PTPRA: variants seen among roughly 807,000 people sequenced by gnomAD.
PTPRA encodes protein tyrosine phosphatase receptor type A, also known as receptor-type tyrosine-protein phosphatase alpha.
PTPRA carries 25 observed loss-of-function variants against 104.8 expected under a neutral mutation model. The ratio of observed to expected loss-of-function variants is 0.24; its 90% CI spans 0.17 to 0.33. The LOEUF is 0.33. Ranked by LOEUF, PTPRA falls within the 10% of genes least tolerant of loss-of-function variation. PTPRA has a pLI of 1.00. For synonymous variants in PTPRA, 323 were observed against 368.9 expected (o/e 0.88, Z 1.43); for missense variants, 765 against 1,015.3 (o/e 0.75, Z 3.35).
intron 3 of PTPRA, among the ~76,000 whole-genome samples, chr20:2,955,927 C>A (rs544229199): frequency 1.9e-4 from 29 of 152,250 alleles, no homozygotes; most frequent in African/African-American, 6.7e-4. Flanking sequence ...ACTCTAATAC[C>A]ACACATTCTC....
chr20:2,864,368 T>G, the PTPRA span: 1 of 1,614,170 alleles, frequency 6.2e-7, no homozygotes, highest in South Asian at 1.1e-5. This position sits in a 1 kb window ranked among gnomAD's most constrained non-coding sequence, Gnocchi z 5.2. Context: ...CCTGCAGTGT[T>G]CACGGTGTTG....
At chr20:2,945,479 C>T (rs1410126421) in intron 2 of PTPRA, among the ~76,000 whole-genome samples, 4 of 151,970 alleles carry the variant, frequency 2.6e-5, no homozygotes, top group South Asian at 2.1e-4. Flanking sequence ...ACCTAATATA[C>T]CTATTATGTG....
intron 14 of PTPRA, 64 bp downstream of exon 14, chr20:3,021,492 G>C (rs1328374672): frequency 6.3e-7 from 1 of 1,597,520 alleles, no homozygotes; most frequent in African/African-American, 1.3e-5. Flanking sequence ...AGAGGGAACA[G>C]GCTGGATCAT....
intron 11 of PTPRA, among the ~76,000 whole-genome samples, chr20:3,012,389 G>A (rs957682045): frequency 2.6e-5 from 4 of 152,218 alleles, no homozygotes; most frequent in African/African-American, 9.6e-5. Context: ...GCAGGAATTG[G>A]TGGTTGATTT....
At chr20:2,937,100 C>CT (rs2060731899) in intron 2 of PTPRA, among the ~76,000 whole-genome samples, 1 of 146,464 alleles carries the variant, frequency 6.8e-6, no homozygotes, top group Non-Finnish European at 1.5e-5. Context: ...TAGAAGGAAT[C>CT]TTTTAGTTCC....
At chr20:2,933,280 T>G (rs548940359) in intron 2 of PTPRA, among the ~76,000 whole-genome samples, 23 of 152,310 alleles carry the variant, frequency 1.5e-4, no homozygotes, top group Middle Eastern at 6.8e-3. Context: ...TTATTTTACT[T>G]TTTATGAATT....
At chr20:2,904,647 A>G (rs2059355736) in intron 1 of PTPRA, among the ~76,000 whole-genome samples, 1 of 146,088 alleles carries the variant, frequency 6.8e-6, no homozygotes, top group Non-Finnish European at 1.5e-5. Context: ...TAGCCTGGCT[A>G]GAGAGCAAGA....
rs1374536833 is a variant in PTPRA, at chr20:2,926,814, A to G, written c.-50+3529A>G. On this transcript the variant is annotated intron_variant, in intron 2 of 23. Transcript: ENST00000399903. ...TTTTTACTTTTTATTTTTTTGAGAC[A>G]GAGTCTTGGTCTGTCGCTCAGGCTG... 3.4e-5 allele frequency among the ~76,000 whole-genome samples: 4 copies of G among 117,520 alleles called. No homozygotes were observed. In the South Asian group the frequency reaches 7.6e-4, roughly 22 times the overall value. 77.1% of individuals were successfully genotyped at this position (117,520 alleles called of 152,430 possible). A position where few individuals can be genotyped will look rare whatever the true frequency, so the allele number is the denominator to read the frequency against.
intron 2 of PTPRA, among the ~76,000 whole-genome samples, chr20:2,926,769 C>CTTTT (rs777386962): frequency 6.4e-4 from 54 of 84,992 alleles, no homozygotes; most frequent in South Asian, 1.7e-3. Flanking sequence ...TTTCCTTTTC[C>CTTTT]TTTTTTTTTT....
chr20:2,890,768 T>C (rs958671145), intron 1 of PTPRA, among the ~76,000 whole-genome samples: 1 of 152,208 alleles, frequency 6.6e-6, no homozygotes, highest in African/African-American at 2.4e-5. Flanking sequence ...TCTATCTTTG[T>C]GGCCACTCCT....
At chr20:3,011,206 A>ATG (rs1289063678) in intron 11 of PTPRA, among the ~76,000 whole-genome samples, 1 of 152,234 alleles carries the variant, frequency 6.6e-6, no homozygotes, top group African/African-American at 2.4e-5. Flanking sequence ...AGAGGGTTAA[A>ATG]TGGGGGACCT....
intron 5 of PTPRA, among the ~76,000 whole-genome samples, chr20:2,973,294 TTCTA>T (rs2062270258): frequency 6.6e-6 from 1 of 152,190 alleles, no homozygotes; most frequent in Non-Finnish European, 1.5e-5. Flanking sequence ...TTTGTTCTTT[TTCTA>T]TCTTCTTGAA....
chr20:2,891,750 C>T (rs1042120722), intron 1 of PTPRA, among the ~76,000 whole-genome samples: 1 of 151,882 alleles, frequency 6.6e-6, no homozygotes, highest in African/African-American at 2.4e-5. Context: ...TTCCAGGATC[C>T]CCCCCATGGA....
intron 5 of PTPRA, among the ~76,000 whole-genome samples, chr20:2,973,711 A>C (rs935530079): frequency 6.6e-6 from 1 of 152,156 alleles, no homozygotes; most frequent in African/African-American, 2.4e-5. Flanking sequence ...AGTTACTCAC[A>C]TTGCTTTAGC....
At chr20:2,937,237 C>T (rs2060740086) in intron 2 of PTPRA, among the ~76,000 whole-genome samples, 1 of 151,538 alleles carries the variant, frequency 6.6e-6, no homozygotes, top group Non-Finnish European at 1.5e-5. Flanking sequence ...CATTCTCCTG[C>T]CTCAGCCCCT....
In PTPRA at chr20:2,876,275, C is replaced by T. The variant is rs147768721; in HGVS notation, c.-129+2515C>T. 1.9e-3 allele frequency among the ~76,000 whole-genome samples: 284 copies of T among 152,242 alleles called. 1 individual carries two copies. The highest frequency in any genetic ancestry group is 6.6e-3 in the African/African-American group (276 of 41,548). On this transcript the variant is annotated intron_variant, in intron 1 of 23. Transcript: ENST00000399903. ...TGAGAGAAAAATTCAAAAGTTCTAG[C>T]AATACAAAAGAGTATATAGAGAAAA...
intron 1 of PTPRA, among the ~76,000 whole-genome samples, chr20:2,907,103 A>G (rs1023989136): frequency 3.3e-5 from 5 of 152,212 alleles, no homozygotes; most frequent in East Asian, 1.9e-4. Context: ...AAGCAGCTCA[A>G]CGTTGCTTAT....
At chr20:3,024,749 G>A (rs929489296) in intron 17 of PTPRA, 128 bp downstream of exon 17, 1 of 1,157,190 alleles carries the variant, frequency 8.6e-7, no homozygotes, top group Admixed American at 2.3e-5. Flanking sequence ...TAAGGAGATG[G>A]TCCTTTCCTC....
chr20:2,963,009 G>C (rs1370438023), intron 3 of PTPRA, among the ~76,000 whole-genome samples: 1 of 152,158 alleles, frequency 6.6e-6, no homozygotes, highest in Non-Finnish European at 1.5e-5. Context: ...CTCCCCAGTT[G>C]TTTCTCTAGC....
Sources: allele counts gnomAD v4.1 joint callset (sites outside exome capture counted in the v4.1 genomes callset), GRCh38; gene constraint gnomAD v4.1.1; non-coding constraint Gnocchi (gnomAD v3.1); transcripts MANE v1.5; gene names NCBI Gene and HGNC (gene_info 2026-07-23, HGNC 2026-07-21).